OPCML: variants seen among roughly 807,000 people sequenced by gnomAD.
OPCML encodes the protein opioid-binding protein/cell adhesion molecule.
In OPCML, 13 loss-of-function variants were observed where a neutral mutation model predicts 37.8. The observed-to-expected ratio is 0.34, with a 90% CI of 0.22 to 0.55. OPCML has a LOEUF of 0.55. OPCML is among the 20% of genes least tolerant of loss of function. The pLI is 0.91. For synonymous variants in OPCML, 176 were observed against 168.8 expected (o/e 1.04, Z -0.33); for missense variants, 341 against 435.6 (o/e 0.78, Z 1.93).
chr11:132,642,775 G>A (rs1940928278), intron 3 of OPCML, among the ~76,000 whole-genome samples: 1 of 152,160 alleles, frequency 6.6e-6, no homozygotes, highest in African/African-American at 2.4e-5. Context: ...ACATAGCAAG[G>A]TTGAGTAAAT....
chr11:132,777,251 C>G (rs1946838687), intron 2 of OPCML, among the ~76,000 whole-genome samples: 1 of 152,154 alleles, frequency 6.6e-6, no homozygotes, highest in Non-Finnish European at 1.5e-5. Context: ...AAGTGTCCAC[C>G]CTAGAAGATC....
At chr11:132,744,529 T>C (rs987434074) in intron 2 of OPCML, among the ~76,000 whole-genome samples, 1 of 152,204 alleles carries the variant, frequency 6.6e-6, no homozygotes, top group African/African-American at 2.4e-5. Flanking sequence ...TAAGCATTGA[T>C]ACAGAGAGCC....
intron 1 of OPCML, among the ~76,000 whole-genome samples, chr11:133,436,321 G>T (rs929227193): frequency 6.6e-6 from 1 of 152,108 alleles, no homozygotes; most frequent in Admixed American, 6.5e-5. Flanking sequence ...TTTTGACTTG[G>T]CAAAATGAAA....
intron 1 of OPCML, among the ~76,000 whole-genome samples, chr11:133,176,657 C>T (rs1018608138): frequency 2.6e-5 from 4 of 152,134 alleles, no homozygotes; most frequent in Non-Finnish European, 5.9e-5. Context: ...TCACCTTCTG[C>T]TAAGATTATA....
chr11:133,485,793 C>A (rs983221082), intron 1 of OPCML, among the ~76,000 whole-genome samples: 2 of 152,166 alleles, frequency 1.3e-5, no homozygotes, highest in Non-Finnish European at 2.9e-5. Context: ...GCAGTAAACA[C>A]ATTTGAGTTG....
At chr11:132,646,827 T>C (rs1941174692) in intron 3 of OPCML, among the ~76,000 whole-genome samples, 1 of 152,040 alleles carries the variant, frequency 6.6e-6, no homozygotes, top group Admixed American at 6.5e-5. Flanking sequence ...GTTGAGGAGC[T>C]AAGAAAATAA....
chr11:133,197,690 T>C (rs775999546), intron 1 of OPCML, among the ~76,000 whole-genome samples: 5 of 152,200 alleles, frequency 3.3e-5, no homozygotes, highest in Admixed American at 3.3e-4. Context: ...AATAGCTACA[T>C]TGATGCAGCT....
chr11:133,147,941 G>A (rs780303630), intron 1 of OPCML, among the ~76,000 whole-genome samples: 26 of 152,070 alleles, frequency 1.7e-4, no homozygotes, highest in Admixed American at 1.2e-3. Flanking sequence ...CTCAGCGAAC[G>A]CTTTCTTCCT....
chr11:132,450,885 T>G (rs2096066809), intron 4 of OPCML, among the ~76,000 whole-genome samples: 1 of 152,316 alleles, frequency 6.6e-6, no homozygotes, highest in East Asian at 1.9e-4. Context: ...TGGGGTTTGA[T>G]GATTTCTAAA....
chr11:132,736,675 T>G (rs1450397533), intron 2 of OPCML, among the ~76,000 whole-genome samples: 1 of 152,172 alleles, frequency 6.6e-6, no homozygotes, highest in Non-Finnish European at 1.5e-5. Context: ...AACAGCCTTA[T>G]GGAGAGGGAC....
At chr11:133,457,205 T>C (rs1292315057) in intron 1 of OPCML, among the ~76,000 whole-genome samples, 2 of 152,040 alleles carry the variant, frequency 1.3e-5, no homozygotes, top group African/African-American at 4.8e-5. Context: ...TTAGATGATA[T>C]ATTTAAGATG....
chr11:133,157,114 G>C (rs777502810), intron 1 of OPCML, among the ~76,000 whole-genome samples: 2 of 152,016 alleles, frequency 1.3e-5, no homozygotes, highest in Admixed American at 6.6e-5. Context: ...TCTTCAGAGG[G>C]AGCCGGCAAT....
intron 1 of OPCML, among the ~76,000 whole-genome samples, chr11:133,136,024 C>T (rs1018168977): frequency 2.6e-5 from 4 of 152,136 alleles, no homozygotes; most frequent in African/African-American, 7.2e-5. Context: ...TCTGATAGTT[C>T]GTTCTTCACC....
At chr11:132,832,803 G>T (rs915373255) in intron 2 of OPCML, among the ~76,000 whole-genome samples, 2 of 152,194 alleles carry the variant, frequency 1.3e-5, no homozygotes, top group African/African-American at 4.8e-5. Flanking sequence ...GTCACTCCTA[G>T]GCTACAAGCC....
chr11:132,857,992 C>A (rs1315662722), intron 2 of OPCML, among the ~76,000 whole-genome samples: 1 of 152,022 alleles, frequency 6.6e-6, no homozygotes, highest in Non-Finnish European at 1.5e-5. Flanking sequence ...AGTGTGGCGT[C>A]CTTAGGAAGC....
At chr11:132,947,927 A>G (rs1215694408) in intron 1 of OPCML, among the ~76,000 whole-genome samples, 2 of 152,220 alleles carry the variant, frequency 1.3e-5, no homozygotes, top group Non-Finnish European at 2.9e-5. Context: ...TCTCAAATTC[A>G]ATATGCTCCA....
chr11:133,328,908 C>A (rs1035740971), intron 1 of OPCML, among the ~76,000 whole-genome samples: 54 of 152,204 alleles, frequency 3.5e-4, no homozygotes, highest in South Asian at 8.3e-4. Context: ...TGTTTGCAGA[C>A]GACATGATTG....
intron 2 of OPCML, among the ~76,000 whole-genome samples, chr11:132,657,956 C>G (rs1407294234): frequency 6.6e-6 from 1 of 152,206 alleles, no homozygotes; most frequent in Non-Finnish European, 1.5e-5. Context: ...CCCTGTTCCT[C>G]ATACACTCCC....
intron 2 of OPCML, among the ~76,000 whole-genome samples, chr11:132,729,270 A>G (rs1944994187): frequency 6.6e-6 from 1 of 152,196 alleles, no homozygotes. Context: ...GTACATACCC[A>G]GGCAGCTTTT....
Sources: allele counts gnomAD v4.1 joint callset (sites outside exome capture counted in the v4.1 genomes callset), GRCh38; gene constraint gnomAD v4.1.1; transcripts MANE v1.5; gene names NCBI Gene and HGNC (gene_info 2026-07-23, HGNC 2026-07-21).